ZFHX3: variants seen among roughly 807,000 people sequenced by gnomAD.
ZFHX3 encodes the protein zinc finger homeobox 3, also known as zinc finger homeobox protein 3.
Under a neutral mutation model 279.1 loss-of-function variants are expected in ZFHX3, and 42 were observed. That is an observed-to-expected ratio of 0.15 (90% confidence interval 0.12 to 0.19). The LOEUF is 0.19. ZFHX3 is among the 10% of genes least tolerant of loss of function. The probability of loss-of-function intolerance (pLI) is 1.00; values close to 1 mark genes in which losing one functional copy is unlikely to be tolerated. For synonymous variants in ZFHX3, 2,293 were observed against 1,957.8 expected (o/e 1.17, Z -4.52); for missense variants, 4,981 against 4,754.0 (o/e 1.05, Z -1.40).
At chr16:73,534,889 C>A (rs1371083867) in intron 2 of ZFHX3, among the ~76,000 whole-genome samples, 7 of 152,128 alleles carry the variant, frequency 4.6e-5, no homozygotes, top group Admixed American at 2.0e-4. Context: ...CTCACAGTGA[C>A]TCCCCAATCA....
intron 3 of ZFHX3, among the ~76,000 whole-genome samples, chr16:73,452,793 A>C (rs1281780517): frequency 6.6e-6 from 1 of 152,208 alleles, no homozygotes; most frequent in Non-Finnish European, 1.5e-5. Flanking sequence ...GGGAGCAAGA[A>C]ATTTTCATTT....
intron 1 of ZFHX3, among the ~76,000 whole-genome samples, chr16:73,014,143 A>T (rs1384538539): frequency 6.6e-6 from 1 of 152,120 alleles, no homozygotes; most frequent in Non-Finnish European, 1.5e-5. Flanking sequence ...CAACCCAGAA[A>T]TGTGGGGGCC....
At chr16:73,761,952 G>C (rs989221389) in intron 1 of ZFHX3, among the ~76,000 whole-genome samples, 3 of 152,068 alleles carry the variant, frequency 2.0e-5, no homozygotes, top group Non-Finnish European at 4.4e-5. Context: ...GATGTCAAAA[G>C]CAATTGCAAC....
intron 2 of ZFHX3, among the ~76,000 whole-genome samples, chr16:73,672,851 C>A (rs1171987482): frequency 6.6e-6 from 1 of 151,986 alleles, no homozygotes; most frequent in East Asian, 1.9e-4. Flanking sequence ...GAGAACTATA[C>A]CCAAATATTC....
intron 2 of ZFHX3, among the ~76,000 whole-genome samples, chr16:73,518,340 T>C (rs1462411423): frequency 6.6e-6 from 1 of 152,258 alleles, no homozygotes; most frequent in Non-Finnish European, 1.5e-5. Context: ...AATAAGGACA[T>C]ATACAACTAG....
At chr16:73,626,253 A>C (rs572814304) in intron 2 of ZFHX3, among the ~76,000 whole-genome samples, 1 of 152,076 alleles carries the variant, frequency 6.6e-6, no homozygotes, top group Non-Finnish European at 1.5e-5. Context: ...TTGGGCAGGG[A>C]CCTCTCTCTA....
At chr16:73,535,009 T>C (rs1476876098) in intron 2 of ZFHX3, among the ~76,000 whole-genome samples, 2 of 151,892 alleles carry the variant, frequency 1.3e-5, no homozygotes, top group African/African-American at 4.8e-5. Flanking sequence ...AGCGATGTGA[T>C]GGTAAATGCC....
intron 4 of ZFHX3, among the ~76,000 whole-genome samples, chr16:72,871,342 ATT>A (rs539356987): frequency 5.9e-5 from 7 of 119,150 alleles, no homozygotes; most frequent in Admixed American, 8.3e-5. Context: ...TGCCCGGCTA[ATT>A]TTTTTTTTTT....
At position 73,599,680 on chromosome 16, in the gene ZFHX3, A is replaced by G. The variant is rs796290391; in HGVS notation, c.-1547+80500T>C. Among the ~76,000 whole-genome samples, 14 of 151,986 alleles carry G rather than the reference A, an allele frequency of 9.2e-5. 1 individual carries two copies. The highest frequency in any genetic ancestry group is 3.4e-4 in the African/African-American group (14 of 41,488). On this transcript the variant is annotated intron_variant, in intron 2 of 17. Coordinates refer to the ZFHX3 transcript ENST00000641206. ...CAAAAATGATGGCAGCTGATTGAGA[A>G]CTATATAAATGGTTTACACAATGAA... is the stretch of plus-strand genomic sequence containing the variant.
intron 2 of ZFHX3, among the ~76,000 whole-genome samples, chr16:73,594,810 T>C (rs1247151875): frequency 1.3e-5 from 2 of 152,240 alleles, no homozygotes; most frequent in African/African-American, 4.8e-5. Context: ...CATGAAATAC[T>C]TAGAAATGTG....
rs917575771 is a variant in ZFHX3 at position 73,325,930 on chromosome 16, C to A, written c.-1290-7594G>T. ...ACACACACACACACACACACACAAA[C>A]ACACACACACACACACACACAGGGG... On this transcript the variant is annotated intron_variant, in intron 3 of 17. Transcript: ENST00000641206. 3.0e-4 allele frequency among the ~76,000 whole-genome samples: 26 copies of A among 88,128 alleles called. 1 individual carries two copies. The highest frequency in any genetic ancestry group is 1.3e-3 in the African/African-American group (21 of 16,110). The allele number at this position is 88,128 out of a possible 152,430, so 57.8% of individuals were successfully genotyped here. A position where few individuals can be genotyped will look rare whatever the true frequency, so the allele number is the denominator to read the frequency against.
At chr16:73,647,444 T>C (rs1412146440) in intron 2 of ZFHX3, among the ~76,000 whole-genome samples, 1 of 152,096 alleles carries the variant, frequency 6.6e-6, no homozygotes, top group African/African-American at 2.4e-5. Flanking sequence ...GATCTGATGG[T>C]TTAAAAGTAT....
chr16:73,748,551 C>T (rs2053725435), intron 1 of ZFHX3, among the ~76,000 whole-genome samples: 1 of 152,110 alleles, frequency 6.6e-6, no homozygotes, highest in Non-Finnish European at 1.5e-5. Context: ...TATGCTGTTG[C>T]TCATGCTATA....
At chr16:72,982,457 AGAC>A (rs1962650691) in intron 1 of ZFHX3, among the ~76,000 whole-genome samples, 1 of 152,198 alleles carries the variant, frequency 6.6e-6, no homozygotes, top group Non-Finnish European at 1.5e-5. Context: ...AGAAGAATAA[AGAC>A]AGAAACCTAC....
chr16:73,878,676 C>G (rs368354412), intron 1 of ZFHX3, among the ~76,000 whole-genome samples: 1 of 150,500 alleles, frequency 6.6e-6, no homozygotes, highest in Admixed American at 6.6e-5. Context: ...AGGTAACTAG[C>G]GAAAACAAGA....
intron 3 of ZFHX3, among the ~76,000 whole-genome samples, chr16:73,408,699 A>G (rs190062906): frequency 6.6e-6 from 1 of 152,198 alleles, no homozygotes; most frequent in East Asian, 1.9e-4. Flanking sequence ...TGGCCTGGAC[A>G]TTTCCAGGGA....
At chr16:73,396,305 T>C (rs1210318013) in intron 3 of ZFHX3, among the ~76,000 whole-genome samples, 1 of 152,232 alleles carries the variant, frequency 6.6e-6, no homozygotes, top group African/African-American at 2.4e-5. Flanking sequence ...GGTGCAAGTA[T>C]ACCATGTAGG....
intron 5 of ZFHX3, among the ~76,000 whole-genome samples, chr16:72,817,585 C>G (rs1870127928): frequency 6.6e-6 from 1 of 152,196 alleles, no homozygotes; most frequent in Non-Finnish European, 1.5e-5. Flanking sequence ...CACCAGTGCG[C>G]TGTTGGCATG....
intron 5 of ZFHX3, among the ~76,000 whole-genome samples, chr16:73,213,993 C>G (rs939845534): frequency 2.6e-5 from 4 of 152,164 alleles, no homozygotes; most frequent in Non-Finnish European, 5.9e-5. Flanking sequence ...TTAATAGATA[C>G]GTATCTTATT....
Sources: allele counts gnomAD v4.1 joint callset (sites outside exome capture counted in the v4.1 genomes callset), GRCh38; gene constraint gnomAD v4.1.1; transcripts MANE v1.5; gene names NCBI Gene and HGNC (gene_info 2026-07-23, HGNC 2026-07-21).